Variants in STAC observed in about 807,000 individuals in gnomAD.
STAC encodes the protein SH3 and cysteine-rich domain-containing protein.
STAC carries 43 observed loss-of-function variants against 48.8 expected under a neutral mutation model. That is an observed-to-expected ratio of 0.88 (90% CI 0.69 to 1.14). STAC has a LOEUF of 1.14. STAC is among the 50% of genes most tolerant of loss of function. The pLI is 0.00. For synonymous variants in STAC, 193 were observed against 179.5 expected, an observed-to-expected ratio of 1.07 and a Z score of -0.60; for missense variants, 497 against 504.0, an observed-to-expected ratio of 0.99 and a Z score of 0.13.
chr3:36,398,261 G>A (rs1699893446), intron 1 of STAC, among the ~76,000 whole-genome samples: 1 of 148,208 alleles, frequency 6.7e-6, no homozygotes, highest in Non-Finnish European at 1.5e-5. Flanking sequence ...TTTGTAGTAA[G>A]ACTATTTTAC....
At chr3:36,537,533 G>A (rs1172235425) in intron 10 of STAC, among the ~76,000 whole-genome samples, 2 of 152,024 alleles carry the variant, frequency 1.3e-5, no homozygotes, top group African/African-American at 4.8e-5. Context: ...CACACACTAG[G>A]GCCTGTTGGG....
intron 2 of STAC, among the ~76,000 whole-genome samples, chr3:36,455,826 G>A (rs372773093): frequency 5.4e-4 from 82 of 152,092 alleles, no homozygotes; most frequent in African/African-American, 1.9e-3. Flanking sequence ...AGAGGGAAGA[G>A]AAATATATGG....
At chr3:36,545,828 A>G (rs1462064029) in intron 10 of STAC, among the ~76,000 whole-genome samples, 1 of 152,198 alleles carries the variant, frequency 6.6e-6, no homozygotes, top group Non-Finnish European at 1.5e-5. Flanking sequence ...CTTTAAAATA[A>G]TGTCCTGAGA....
At chr3:36,488,022 A>C (rs1043055499) in intron 5 of STAC, among the ~76,000 whole-genome samples, 4 of 152,252 alleles carry the variant, frequency 2.6e-5, no homozygotes, top group Admixed American at 2.6e-4. Context: ...AATAATATAC[A>C]TAAAGTGTTT....
intron 2 of STAC, among the ~76,000 whole-genome samples, chr3:36,482,331 A>G (rs1245885400): frequency 3.9e-5 from 6 of 152,208 alleles, no homozygotes; most frequent in Admixed American, 3.3e-4. Context: ...GCCTTTGTGC[A>G]TGAAGATACC....
intron 1 of STAC, among the ~76,000 whole-genome samples, chr3:36,436,565 T>C (rs1700839532): frequency 6.6e-6 from 1 of 152,216 alleles, no homozygotes; most frequent in Admixed American, 6.5e-5. Flanking sequence ...CACAATGCTC[T>C]TCTCCAGCAT....
intron 1 of STAC, among the ~76,000 whole-genome samples, chr3:36,429,592 A>C (rs1700644199): frequency 6.6e-6 from 1 of 152,128 alleles, no homozygotes; most frequent in South Asian, 2.1e-4. Flanking sequence ...TCAAGCCTAT[A>C]CACTTGTTTT....
intron 1 of STAC, among the ~76,000 whole-genome samples, chr3:36,442,044 T>G (rs1177627304): frequency 6.6e-6 from 1 of 152,224 alleles, no homozygotes; most frequent in Non-Finnish European, 1.5e-5. Flanking sequence ...ATTCTATAGG[T>G]TGTCTCTTCA....
chr3:36,495,797 T>A (rs141446432), intron 6 of STAC, among the ~76,000 whole-genome samples: 28 of 152,370 alleles, frequency 1.8e-4, no homozygotes, highest in African/African-American at 6.5e-4. Flanking sequence ...GTGTCAGAGA[T>A]GCAGGTAGAG....
At chr3:36,526,869 A>G (rs1698948437) in intron 8 of STAC, among the ~76,000 whole-genome samples, 1 of 152,184 alleles carries the variant, frequency 6.6e-6, no homozygotes, top group Non-Finnish European at 1.5e-5. Flanking sequence ...TCTACTTAGG[A>G]GAAAAATAAG....
chr3:36,497,294 G>A (rs73067874), intron 6 of STAC, among the ~76,000 whole-genome samples: 1,727 of 152,232 alleles, frequency 0.011, 23 homozygotes, highest in Non-Finnish European at 0.013. Context: ...CAGCATTGTG[G>A]AGAACTGGAC....
At position 36,484,842 on chromosome 3, in the gene STAC, A is replaced by T. The variant is rs371990171; in HGVS notation, c.490-135A>T. 155 of 561,478 alleles carry T rather than the reference A, an allele frequency of 2.8e-4. No homozygotes were observed. In the African/African-American group the frequency reaches 2.9e-3, roughly 10 times the overall value. 34.8% of individuals were successfully genotyped at this position (561,478 alleles called of 1,614,324 possible). On this transcript the variant is annotated intron_variant, in intron 3 of 10. Coordinates refer to ENST00000273183, the MANE Select transcript of STAC (RefSeq NM_003149.3). ...TGCTGGGATTAAATTGTGGAATTATAGGATAAGTCGGCATGTTAATGGGAG... is the reference window on the plus strand; with the variant it reads ...TGCTGGGATTAAATTGTGGAATTATTGGATAAGTCGGCATGTTAATGGGAG...
At chr3:36,392,655 C>G (rs1052317013) in intron 1 of STAC, among the ~76,000 whole-genome samples, 2 of 152,086 alleles carry the variant, frequency 1.3e-5, no homozygotes, top group Non-Finnish European at 2.9e-5. Context: ...GTCATGAGCC[C>G]CATGCCCGGC....
intron 1 of STAC, among the ~76,000 whole-genome samples, chr3:36,400,024 C>T (rs777514358): frequency 6.6e-5 from 10 of 152,276 alleles, no homozygotes; most frequent in Middle Eastern, 6.8e-3. Context: ...ATGCCCCGGT[C>T]GAAAGAGGTA....
chr3:36,403,667 T>G (rs1204777637), intron 1 of STAC, among the ~76,000 whole-genome samples: 1 of 152,104 alleles, frequency 6.6e-6, no homozygotes, highest in Admixed American at 6.6e-5. Context: ...AGTAAAATCA[T>G]GTGACATTTA....
intron 2 of STAC, among the ~76,000 whole-genome samples, chr3:36,476,058 C>T (rs1014942296): frequency 3.3e-5 from 5 of 152,216 alleles, no homozygotes; most frequent in African/African-American, 7.2e-5. Context: ...TCAGGGGCCA[C>T]GTAAAGAAGT....
chr3:36,495,731 G>C (rs1048769518), intron 6 of STAC, among the ~76,000 whole-genome samples: 5 of 152,230 alleles, frequency 3.3e-5, no homozygotes, highest in African/African-American at 1.2e-4. Context: ...GCTATATTTA[G>C]CAATCATTGC....
intron 1 of STAC, among the ~76,000 whole-genome samples, chr3:36,429,577 C>G (rs1700643275): frequency 6.6e-6 from 1 of 152,148 alleles, no homozygotes; most frequent in Non-Finnish European, 1.5e-5. Flanking sequence ...TGTCCCTGGG[C>G]CACCTCAAGC....
chr3:36,398,971 G>A (rs1157815357), intron 1 of STAC, among the ~76,000 whole-genome samples: 2 of 152,232 alleles, frequency 1.3e-5, no homozygotes, highest in Non-Finnish European at 2.9e-5. Flanking sequence ...TACAGCAGGA[G>A]AGAGGGCTGA....
Sources: gnomAD v4.1 joint callset for allele counts (sites outside exome capture counted in the v4.1 genomes callset) on GRCh38, gnomAD v4.1.1 for gene constraint, MANE v1.5 for transcripts, NCBI Gene and HGNC (gene_info 2026-07-23, HGNC 2026-07-21) for gene names.